The following RAX variants were observed in gnomAD, a reference collection of about 807,000 sequenced individuals.
RAX encodes the protein retina and anterior neural fold homeobox.
In RAX, 11 loss-of-function variants were observed where a neutral mutation model predicts 17.4. The observed-to-expected ratio is 0.63, with a 90% CI of 0.40 to 1.05. The LOEUF (loss-of-function observed/expected upper bound fraction) is 1.05, where lower values mean the gene tolerates loss of function less well. RAX is among the 50% of genes least tolerant of loss of function. RAX has a pLI of 0.00. For missense variants in RAX, 527 were observed against 501.1 expected, an observed-to-expected ratio of 1.05 and a Z score of -0.49; for synonymous variants, 276 against 254.7, an observed-to-expected ratio of 1.08 and a Z score of -0.80.
Position 59,273,449 on chromosome 18 carries a change from C to G in RAX, c.-243G>C, listed in dbSNP as rs1281670955. 11 of 540,206 alleles carry G rather than the reference C, an allele frequency of 2.0e-5. No individual in the cohort carries two copies. The highest frequency in any genetic ancestry group is 4.1e-5 in the African/African-American group (2 of 49,236). 33.5% of individuals were successfully genotyped at this position (540,206 alleles called of 1,614,324 possible). On this transcript the variant is annotated 5_prime_UTR_variant, in exon 1 of 3. Transcript: ENST00000334889. ...GGCTCTCGGCGCTAAAGGCGGGGAG[C>G]CAACTGGCCCTCGGCTCCTCCCCTC... is the stretch of plus-strand genomic sequence containing the variant.
chr18:59,269,106 G>C lies in RAX; in HGVS notation c.939C>G (p.Phe313Leu), dbSNP rs1262066784. 2 of 1,611,092 alleles carry C rather than the reference G, an allele frequency of 1.2e-6. No individual in the cohort carries two copies. Among genetic ancestry groups the C allele is most frequent in the African/African-American group, 2.7e-5 (2 of 75,006 alleles). The change falls in exon 3 of 3, where the codon TTC becomes TTG. Residue 313 changes from phenylalanine (F) to leucine (L), a missense_variant. Physicochemically the swap from Phe to Leu is conservative, Grantham distance 22 (BLOSUM62 0). Coordinates refer to ENST00000334889, the MANE Select transcript of RAX (RefSeq NM_013435.3). ...YPCGPGFGDK[F>L]PLDEADPRNS... Reference sequence around the variant, plus strand: ...TGCGCGGGTCCGCCTCGTCCAGCGGGAACTTGTCCCCGAAGCCGGGCCCGC... The same window carrying C: ...TGCGCGGGTCCGCCTCGTCCAGCGGCAACTTGTCCCCGAAGCCGGGCCCGC...
rs538083445 is a variant in RAX at position 59,269,529 on chromosome 18, G to A, written c.544-28C>T. 1.0e-4 allele frequency: 161 copies of A among 1,593,206 alleles called. No individual in the cohort carries two copies. In the Middle Eastern group the frequency reaches 1.2e-3, roughly 11 times the overall value. On this transcript the variant is annotated intron_variant, in intron 2 of 2. Coordinates refer to ENST00000334889, the MANE Select transcript of RAX (RefSeq NM_013435.3). Reference sequence around the variant, plus strand: ...GCAGGAGAGAGCACAGGGGCCGTCGGGCAGCAGCGGAGGCTGCGGCCGCGT... The same window carrying A: ...GCAGGAGAGAGCACAGGGGCCGTCGAGCAGCAGCGGAGGCTGCGGCCGCGT...
Position 59,269,244 on chromosome 18 carries a change from C to A in RAX, c.801G>T (p.Ala267=), listed in dbSNP as rs1428629529. The A allele has an allele frequency of 3.3e-6, 5 of 1,505,248 alleles. No individual in the cohort carries two copies. Among genetic ancestry groups the A allele is most frequent in the East Asian group, 5.3e-5 (2 of 37,636 alleles). The allele number at this position is 1,505,248 out of a possible 1,614,324, so 93.2% of individuals were successfully genotyped here. Reference sequence around the variant, plus strand: ...GCGTGTAGCTGGCAGGCAGGCTCTGCGCCGGCGGCCCGAAGCCCGGCAGGC... The same window carrying A: ...GCGTGTAGCTGGCAGGCAGGCTCTGAGCCGGCGGCCCGAAGCCCGGCAGGC... ...LQSLPGFGPP[A]QSLPASYTPP... Residue 267 remains alanine (A), a synonymous_variant, in exon 3 of 3, where the codon GCG becomes GCT. Transcript: ENST00000334889.
Position 59,269,348 on chromosome 18 carries a change from C to G in RAX, c.697G>C (p.Gly233Arg), listed in dbSNP as rs1030481316. The stretch of plus-strand genomic sequence containing the variant: ...AGCGGCAGCGCGCCCCCAGCCGGCC[C>G]GCCACCGCTGCCCGGGCCCGCCCCG... ...PLGAGPGSGG[G>R]PAGGALPLES... is the part of the protein sequence containing the mutation. Residue 233 changes from glycine to arginine, a missense_variant, in exon 3 of 3, where the codon GGG becomes CGG. Transcript: ENST00000334889. The G allele has an allele frequency of 3.7e-5, 51 of 1,365,950 alleles. No individual in the cohort carries two copies. Among genetic ancestry groups the G allele is most frequent in the Non-Finnish European group, 4.8e-5 (51 of 1,060,224 alleles). The allele number at this position is 1,365,950 out of a possible 1,614,324, so 84.6% of individuals were successfully genotyped here.
intron 2 of RAX, among the ~76,000 whole-genome samples, chr18:59,271,220 C>T (rs1244616255): frequency 6.6e-6 from 1 of 152,218 alleles, no homozygotes; most frequent in African/African-American, 2.4e-5. Flanking sequence ...TGCAGGTGGG[C>T]TCAAGTGCCC....
chr18:59,272,497 T>G lies in RAX; in HGVS notation c.407A>C (p.His136Pro). Residue 136 changes from histidine to proline, a missense_variant, in exon 2 of 3, where the codon CAT becomes CCT. By Grantham distance (77) the His-to-Pro change is moderately conservative. Transcript: ENST00000334889. The part of the protein sequence containing the change: ...LSEEEQPKKK[H>P]RRNRTTFTTY... ...GGTGAAAGTCGTGCGGTTCCGCCGA[T>G]GCTTTTTCTTGGGCTGTTCCTCCTC... The G allele has an allele frequency of 6.2e-7, 1 of 1,614,228 alleles. No homozygotes were observed. The highest frequency in any genetic ancestry group is 1.1e-5 in the South Asian group (1 of 91,084).
Position 59,269,311 on chromosome 18 carries a change from A to C in RAX, c.734T>G (p.Leu245Arg). The C allele has an allele frequency of 6.9e-6, 9 of 1,304,894 alleles. No homozygotes were observed. The highest frequency in any genetic ancestry group is 8.7e-6 in the Non-Finnish European group (9 of 1,032,864). The allele number at this position is 1,304,894 out of a possible 1,614,324, so 80.8% of individuals were successfully genotyped here. A position where few individuals can be genotyped will look rare whatever the true frequency, so the allele number is the denominator to read the frequency against. The part of the protein sequence containing the change: ...AGGALPLESW[L>R]GPPLPGGGAT... ...GCCCCCGCCCGGCAGCGGCGGCCCG[A>C]GCCAGGACTCCAGCGGCAGCGCGCC... The change falls in exon 3 of 3, where the codon CTC becomes CGC. Residue 245 changes from leucine to arginine, a missense_variant. Transcript: ENST00000334889.
At position 59,269,375 on chromosome 18, in the gene RAX, G is replaced by T. The variant is rs780512181; in HGVS notation, c.670C>A (p.Leu224Ile). The change falls in exon 3 of 3, where the codon CTC becomes ATC. Residue 224 changes from leucine (L) to isoleucine (I), a missense_variant. Coordinates refer to ENST00000334889, the MANE Select transcript of RAX (RefSeq NM_013435.3). ...RSPPSATLSP[L>I]GAGPGSGGGP... is the part of the protein sequence containing the mutation. ...CCACCGCTGCCCGGGCCCGCCCCGAGGGGCGACAGCGTCGCGGAGGGCGGG... is the reference window on the plus strand; with the variant it reads ...CCACCGCTGCCCGGGCCCGCCCCGATGGGCGACAGCGTCGCGGAGGGCGGG... 1 of 1,490,298 alleles carries T rather than the reference G, an allele frequency of 6.7e-7. No individual in the cohort carries two copies. The highest frequency in any genetic ancestry group is 1.3e-5 in the South Asian group (1 of 78,762). 92.3% of individuals were successfully genotyped at this position (1,490,298 alleles called of 1,614,324 possible).
intron 2 of RAX, among the ~76,000 whole-genome samples, chr18:59,271,827 C>G (rs187592562): frequency 7.9e-4 from 121 of 152,326 alleles, no homozygotes; most frequent in African/African-American, 2.8e-3. Flanking sequence ...AAAGAAAAGG[C>G]CTTTGCAGCG....
chr18:59,268,978 G>A lies in RAX; in HGVS notation c.*26C>T. ...GGTACGGTGCGGTCGGCCCGGGGTCGGATCCCAAGACGTTCCCCAGTGCCC... is the reference window on the plus strand; with the variant it reads ...GGTACGGTGCGGTCGGCCCGGGGTCAGATCCCAAGACGTTCCCCAGTGCCC... On this transcript the variant is annotated 3_prime_UTR_variant, in exon 3 of 3. Coordinates refer to ENST00000334889, the MANE Select transcript of RAX (RefSeq NM_013435.3). This position sits in a 1 kb window ranked among gnomAD's most constrained non-coding sequence, Gnocchi z 4.4. The A allele has an allele frequency of 6.2e-7, 1 of 1,612,868 alleles. No homozygotes were observed. Among genetic ancestry groups the A allele is most frequent in the Non-Finnish European group, 8.5e-7 (1 of 1,179,856 alleles).
chr18:59,273,159 C>A lies in RAX; in HGVS notation c.48G>T (p.Ser16=). ...CAPAMADGSF[S]LAGHLLRSPG... ...GGCTGCGGAGCAGGTGGCCGGCAAG[C>A]GAGAAGCTCCCGTCGGCCATGGCTG... is the stretch of plus-strand genomic sequence containing the variant. Residue 16 remains serine (S), a synonymous_variant, in exon 1 of 3, where the codon TCG becomes TCT. Transcript: ENST00000334889. The A allele has an allele frequency of 1.3e-6, 2 of 1,532,716 alleles. No individual in the cohort carries two copies. Among genetic ancestry groups the A allele is most frequent in the Non-Finnish European group, 1.7e-6 (2 of 1,145,490 alleles). 94.9% of individuals were successfully genotyped at this position (1,532,716 alleles called of 1,614,324 possible). A position where few individuals can be genotyped will look rare whatever the true frequency, so the allele number is the denominator to read the frequency against.
At position 59,272,555 on chromosome 18, in the gene RAX, CG is replaced by C; in HGVS notation, c.348del (p.Val117SerfsTer86). 6.2e-7 allele frequency: 1 copy of C among 1,614,118 alleles called. No individual in the cohort carries two copies. Among genetic ancestry groups the C allele is most frequent in the Non-Finnish European group, 8.5e-7 (1 of 1,180,024 alleles). On this transcript the variant is annotated frameshift_variant, in exon 2 of 3. Coordinates refer to ENST00000334889, the MANE Select transcript of RAX (RefSeq NM_013435.3). LOFTEE classifies it high-confidence loss of function. ...PGEARPSPGL[P>X]VGPATGEAKL... ...TTCGCTTCGCCGGTGGCTGGCCCGACGGGCAGCCCTGGGCTCGGCCGTGCCT... is the reference window on the plus strand; with the variant it reads ...TTCGCTTCGCCGGTGGCTGGCCCGACGGCAGCCCTGGGCTCGGCCGTGCCT...
Position 59,273,369 on chromosome 18 carries a change from C to T in RAX, c.-163G>A. The T allele has an allele frequency of 4.2e-6, 3 of 718,918 alleles. No homozygotes were observed. The highest frequency in any genetic ancestry group is 6.4e-6 in the Non-Finnish European group (3 of 467,610). The allele number at this position is 718,918 out of a possible 1,614,324, so 44.5% of individuals were successfully genotyped here. ...CGCACGCTGGGGGTGGCCGAGCGCT[C>T]AGCCCGCTGCCGCCTTAGTCCCAGA... On this transcript the variant is annotated 5_prime_UTR_variant, in exon 1 of 3. Coordinates refer to ENST00000334889, the MANE Select transcript of RAX (RefSeq NM_013435.3).
intron 2 of RAX, 79 bp downstream of exon 2, chr18:59,272,282 C>T: frequency 1.3e-6 from 2 of 1,591,000 alleles, no homozygotes; most frequent in Middle Eastern, 1.7e-4. Flanking sequence ...CATGGACACC[C>T]GTGAATTCCG....
chr18:59,272,254 G>C, intron 2 of RAX, 107 bp downstream of exon 2: 13 of 1,482,932 alleles, frequency 8.8e-6, no homozygotes, highest in Non-Finnish European at 1.2e-5. Context: ...CCAAGTCGAG[G>C]AAGGACAGTA....
rs1603388743 is a variant in RAX at position 59,269,046 on chromosome 18, C to G, written c.999G>C (p.Lys333Asn). The change falls in exon 3 of 3, where the codon AAG (lysine) becomes AAC (asparagine). Residue 333 changes from lysine to asparagine, a missense_variant. Lys to Asn is a moderately conservative substitution (Grantham distance 94, BLOSUM62 0). Transcript: ENST00000334889. ...SSIAALRLKA[K>N]EHIQAIGKPW... ...GCTTCCCGATGGCCTGGATGTGCTC[C>G]TTGGCTTTCAGACGCAGCGCCGCGA... 1 of 1,613,042 alleles carries G rather than the reference C, an allele frequency of 6.2e-7. No homozygotes were observed. Among genetic ancestry groups the G allele is most frequent in the Non-Finnish European group, 8.5e-7 (1 of 1,179,848 alleles).
Position 59,268,779 on chromosome 18 carries a change from C to T in RAX, c.*225G>A. The stretch of plus-strand genomic sequence containing the variant: ...GCCCTCCAGCTGCAGGGCTGAGGTC[C>T]GCGAAGTGCGTTGAGGCGGCCAGAG... On this transcript the variant is annotated 3_prime_UTR_variant, in exon 3 of 3. Coordinates refer to ENST00000334889, the MANE Select transcript of RAX (RefSeq NM_013435.3). The surrounding 1 kb of genome is among the most constrained non-coding windows in gnomAD (Gnocchi z 4.4). 1.4e-6 allele frequency: 1 copy of T among 718,502 alleles called. No individual in the cohort carries two copies. The highest frequency in any genetic ancestry group is 2.2e-6 in the Non-Finnish European group (1 of 450,364). The allele number at this position is 718,502 out of a possible 1,614,324, so 44.5% of individuals were successfully genotyped here.
At position 59,268,712 on chromosome 18, in the gene RAX, G is replaced by A; in HGVS notation, c.*292C>T. 3.7e-6 allele frequency: 2 copies of A among 547,578 alleles called. No homozygotes were observed. The highest frequency in any genetic ancestry group is 4.4e-5 in the South Asian group (2 of 45,794). The allele number at this position is 547,578 out of a possible 1,614,324, so 33.9% of individuals were successfully genotyped here. A position where few individuals can be genotyped will look rare whatever the true frequency, so the allele number is the denominator to read the frequency against. ...TGGGCCTGGAGGCTCCAGCGCCTGC[G>A]GTGATGGGAGCGGCGTGGCCAGCGG... is the stretch of plus-strand genomic sequence containing the variant. On this transcript the variant is annotated 3_prime_UTR_variant, in exon 3 of 3. Coordinates refer to ENST00000334889, the MANE Select transcript of RAX (RefSeq NM_013435.3). This position sits in a 1 kb window ranked among gnomAD's most constrained non-coding sequence, Gnocchi z 4.4.
Position 59,272,900 on chromosome 18 carries a change from C to G in RAX, c.289+18G>C. The stretch of plus-strand genomic sequence containing the variant: ...CGGGCGCCCGAACGGCCTCGCACAG[C>G]CAGGGGTGCGCACTCACCTTCGTAC... On this transcript the variant is annotated intron_variant, in intron 1 of 2. Transcript: ENST00000334889. 6.7e-7 allele frequency: 1 copy of G among 1,493,408 alleles called. No individual in the cohort carries two copies. The highest frequency in any genetic ancestry group is 8.8e-7 in the Non-Finnish European group (1 of 1,138,226). The allele number at this position is 1,493,408 out of a possible 1,614,324, so 92.5% of individuals were successfully genotyped here.
Sources: allele counts gnomAD v4.1 joint callset (sites outside exome capture counted in the v4.1 genomes callset), GRCh38; gene constraint gnomAD v4.1.1; non-coding constraint Gnocchi (gnomAD v3.1); transcripts MANE v1.5; gene names NCBI Gene and HGNC (gene_info 2026-07-23, HGNC 2026-07-21).